DONSON: variants seen among roughly 807,000 people sequenced by gnomAD.
DONSON encodes DNA replication fork stabilization factor DONSON, also known as protein downstream neighbor of Son.
In DONSON, 43 loss-of-function variants were observed where a neutral mutation model predicts 62.1. The observed-to-expected ratio is 0.69, with a 90% confidence interval of 0.54 to 0.89. The LOEUF is 0.89. Among genes scored for constraint, DONSON ranks in the 40% least tolerant of loss-of-function variants. The pLI is 0.00. For missense variants in DONSON, 696 were observed against 697.5 expected, an observed-to-expected ratio of 1.00 and a Z score of 0.03; for synonymous variants, 266 against 264.6, an observed-to-expected ratio of 1.01 and a Z score of -0.05.
In DONSON at chr21:33,584,675, G is replaced by A. The variant is rs202191803; in HGVS notation, c.700C>T (p.Arg234Cys). 4.3e-6 allele frequency: 7 copies of A among 1,613,202 alleles called. No homozygotes were observed. Among genetic ancestry groups the A allele is most frequent in the Admixed American group, 1.7e-5 (1 of 59,982 alleles). Residue 234 changes from arginine to cysteine, a missense_variant, in exon 4 of 10, where the codon CGT becomes TGT. Coordinates refer to ENST00000303071, the MANE Select transcript of DONSON (RefSeq NM_017613.4). ...PALSWLPLFP[R>C]IGADRKMAGK... ...GCCATTTTTCTATCAGCTCCAATACGAGGGAACAGTGGTAGCCAAGACAAA... is the reference window on the plus strand; with the variant it reads ...GCCATTTTTCTATCAGCTCCAATACAAGGGAACAGTGGTAGCCAAGACAAA...
intron 5 of DONSON, 77 bp from the exon 6 acceptor site, chr21:33,582,323 A>C (rs1466450792): frequency 1.7e-5 from 20 of 1,202,686 alleles, no homozygotes; most frequent in Non-Finnish European, 2.4e-5. Flanking sequence ...AGAGTGTAAA[A>C]AATTTGAAAT....
At chr21:33,583,227 A>AAAAAAAAAAAAAAAAAAAAAAAAC (rs1454969092) in intron 5 of DONSON, among the ~76,000 whole-genome samples, 1 of 139,554 alleles carries the variant, frequency 7.2e-6, no homozygotes, top group Non-Finnish European at 1.5e-5. Context: ...AAAAAAAAAG[A>AAAAAAAAAAAAAAAAAAAAAAAAC]ATGATCATCT....
chr21:33,586,210 G>A (rs751159231), intron 2 of DONSON, 29 bp from the exon 3 acceptor site: 2 of 1,597,428 alleles, frequency 1.3e-6, no homozygotes, highest in South Asian at 2.2e-5. Flanking sequence ...GCAAAAATTA[G>A]TCGAGTATCA....
intron 5 of DONSON, 69 bp downstream of exon 5, chr21:33,583,419 A>T (rs2086539778): frequency 8.0e-7 from 1 of 1,257,540 alleles, no homozygotes; most frequent in Admixed American, 2.5e-5. Context: ...TTTTAAATTT[A>T]AATAGCTTTT....
chr21:33,581,376 C>T lies in DONSON; in HGVS notation c.1276G>A (p.Gly426Ser). Residue 426 changes from glycine (G) to serine (S), a missense_variant, in exon 8 of 10, where the codon GGT becomes AGT. Gly to Ser is a moderately conservative substitution (Grantham distance 56). Coordinates refer to ENST00000303071, the MANE Select transcript of DONSON (RefSeq NM_017613.4). Reference sequence around the variant, plus strand: ...GTTGGAGGAAGTCCTGCCTGTGGACCTGAGGTAGCAACTAAACTCTTAGAG... The same window carrying T: ...GTTGGAGGAAGTCCTGCCTGTGGACTTGAGGTAGCAACTAAACTCTTAGAG... ...INSKSLVATS[G>S]PQAGLPPTLL... 1 of 1,614,102 alleles carries T rather than the reference C, an allele frequency of 6.2e-7. No individual in the cohort carries two copies. Among genetic ancestry groups the T allele is most frequent in the Non-Finnish European group, 8.5e-7 (1 of 1,180,020 alleles).
chr21:33,581,837 AAT>A, intron 7 of DONSON, 112 bp downstream of exon 7: 1 of 945,396 alleles, frequency 1.1e-6, no homozygotes, highest in South Asian at 1.6e-5. Context: ...AATTAGTTTT[AAT>A]ATGACCTGAA....
At chr21:33,587,686 T>C (rs2086593991) in intron 1 of DONSON, 84 bp from the exon 2 acceptor site, 3 of 878,912 alleles carry the variant, frequency 3.4e-6, no homozygotes, top group African/African-American at 1.7e-5. Flanking sequence ...CTGGCATACA[T>C]GTTTCTCAAT....
chr21:33,582,347 A>C, intron 5 of DONSON, 101 bp from the exon 6 acceptor site: 1 of 919,538 alleles, frequency 1.1e-6, no homozygotes, highest in South Asian at 1.5e-5. Flanking sequence ...AGTTTTTACA[A>C]ATGATCTATT....
chr21:33,587,328 T>A, intron 2 of DONSON, 194 bp downstream of exon 2: 1 of 983,150 alleles, frequency 1.0e-6, no homozygotes, highest in Non-Finnish European at 1.2e-6. Context: ...ATCATTACTG[T>A]ATCAAACCAA....
At chr21:33,579,715 T>G (rs2086483938) in intron 8 of DONSON, 153 bp from the exon 9 acceptor site, 1 of 609,108 alleles carries the variant, frequency 1.6e-6, no homozygotes, top group Admixed American at 3.0e-5. Flanking sequence ...CAATGTTATG[T>G]GAGTACAAAT....
chr21:33,584,665 G>T lies in DONSON; in HGVS notation c.710C>A (p.Ala237Asp), dbSNP rs774028803. The T allele has an allele frequency of 6.2e-6, 10 of 1,613,090 alleles. No homozygotes were observed. In the Admixed American group the frequency reaches 1.7e-4, roughly 27 times the overall value. ...SWLPLFPRIG[A>D]DRKMAGKTSP... is the part of the protein sequence containing the mutation. ...TGTCTTTCCAGCCATTTTTCTATCA[G>T]CTCCAATACGAGGGAACAGTGGTAG... The change falls in exon 4 of 10, where the codon GCT becomes GAT. Residue 237 changes from alanine to aspartate, a missense_variant. By Grantham distance (126) the Ala-to-Asp change is moderately radical. Coordinates refer to ENST00000303071, the MANE Select transcript of DONSON (RefSeq NM_017613.4).
At position 33,577,865 on chromosome 21, in the gene DONSON, A is replaced by C. The variant is rs2086453380; in HGVS notation, c.*442T>G. The stretch of plus-strand genomic sequence containing the variant: ...ATAAAGGAATTATAAATCAGTAGGA[A>C]AGATATTAAGGTAGAAGCATCACCA... On this transcript the variant is annotated 3_prime_UTR_variant, in exon 10 of 10. Transcript: ENST00000303071. The C allele has an allele frequency of 6.5e-6, 1 of 153,040 alleles. No homozygotes were observed. The highest frequency in any genetic ancestry group is 2.4e-5 in the African/African-American group (1 of 41,478). 9.5% of individuals were successfully genotyped at this position (153,040 alleles called of 1,614,324 possible). A position where few individuals can be genotyped will look rare whatever the true frequency, so the allele number is the denominator to read the frequency against.
chr21:33,579,220 G>A (rs964655554), intron 9 of DONSON, 130 bp downstream of exon 9: 14 of 614,268 alleles, frequency 2.3e-5, no homozygotes, highest in Non-Finnish European at 3.4e-5. Context: ...CCTTCCTCTA[G>A]TAATTCATAA....
intron 1 of DONSON, 78 bp downstream of exon 1, chr21:33,588,243 C>T (rs887402960): frequency 8.9e-7 from 1 of 1,122,362 alleles, no homozygotes; most frequent in African/African-American, 1.6e-5. Flanking sequence ...AACGCGAGGA[C>T]TTTCCATCCC....
rs753648048 is a variant in DONSON at position 33,581,328 on chromosome 21, G to A, written c.1324C>T (p.Arg442Ter). ...PPTLLSPVAF[R>*]GATMQMLKAR... The stretch of plus-strand genomic sequence containing the variant: ...TTAAGCATTTGCATTGTGGCACCTC[G>A]GAAAGCAACAGGGGACAAGAGGGTT... The change falls in exon 8 of 10, where the codon CGA becomes TGA. Residue 442 changes from arginine (R) to a stop codon, truncating the protein, a stop_gained. Coordinates refer to ENST00000303071, the MANE Select transcript of DONSON (RefSeq NM_017613.4). LOFTEE classifies it high-confidence loss of function. The A allele has an allele frequency of 5.6e-6, 9 of 1,613,884 alleles. No homozygotes were observed. Among genetic ancestry groups the A allele is most frequent in the African/African-American group, 2.7e-5 (2 of 74,864 alleles).
intron 9 of DONSON, among the ~76,000 whole-genome samples, 158 bp downstream of exon 9, chr21:33,579,192 C>T (rs2086475632): frequency 6.6e-6 from 1 of 151,702 alleles, no homozygotes; most frequent in Admixed American, 6.6e-5. Context: ...CTCACATAAA[C>T]AACTTACAGA....
Position 33,582,037 on chromosome 21 carries a change from A to G in DONSON, c.1065T>C (p.Asp355=), listed in dbSNP as rs772689954. The change falls in exon 7 of 10, where the codon GAT becomes GAC. Residue 355 remains aspartate (D), a synonymous_variant. Transcript: ENST00000303071. ...LGYGEEQAIS[D]EDEEESFSWL... is the part of the protein sequence containing the mutation. ...AGGAAAAACTTTCCTCTTCATCCTCATCACTGATGGCTTGCTCCCTAGGAA... is the reference window on the plus strand; with the variant it reads ...AGGAAAAACTTTCCTCTTCATCCTCGTCACTGATGGCTTGCTCCCTAGGAA... 6.2e-7 allele frequency: 1 copy of G among 1,614,164 alleles called. No homozygotes were observed. The highest frequency in any genetic ancestry group is 1.1e-5 in the South Asian group (1 of 91,086).
intron 2 of DONSON, 66 bp from the exon 3 acceptor site, chr21:33,586,247 T>C: frequency 7.6e-7 from 1 of 1,314,288 alleles, no homozygotes. Context: ...CTAAAGATTT[T>C]ATCAGCTAAC....
chr21:33,580,537 G>A (rs1012727685), intron 8 of DONSON, among the ~76,000 whole-genome samples: 3 of 130,216 alleles, frequency 2.3e-5, no homozygotes, highest in South Asian at 2.7e-4. Flanking sequence ...TCCGATACTC[G>A]AGAGGCTGAG....
Sources: gnomAD v4.1 joint callset for allele counts (sites outside exome capture counted in the v4.1 genomes callset) on GRCh38, gnomAD v4.1.1 for gene constraint, MANE v1.5 for transcripts, NCBI Gene and HGNC (gene_info 2026-07-23, HGNC 2026-07-21) for gene names.